KCNC2: variants seen among roughly 807,000 people sequenced by gnomAD.
The protein encoded by KCNC2 is voltage-gated potassium channel KCNC2.
In KCNC2, 21 loss-of-function variants were observed where a neutral mutation model predicts 44.5. The ratio of observed to expected loss-of-function variants is 0.47; its 90% CI spans 0.33 to 0.68. The LOEUF (loss-of-function observed/expected upper bound fraction) is 0.68, where lower values mean the gene tolerates loss of function less well. Among genes scored for constraint, KCNC2 ranks in the 30% least tolerant of loss-of-function variants. The pLI, the probability that KCNC2 is intolerant of heterozygous loss-of-function variation, is 0.01. For missense variants in KCNC2, 589 were observed against 826.2 expected, an observed-to-expected ratio of 0.71 and a Z score of 3.52; for synonymous variants, 391 against 339.1, an observed-to-expected ratio of 1.15 and a Z score of -1.68.
chr12:75,102,225 A>G lies in KCNC2; in HGVS notation c.688-50908T>C, dbSNP rs998400330. On this transcript the variant is annotated intron_variant, in intron 2 of 4. Transcript: ENST00000549446. Reference sequence around the variant, plus strand: ...AGCTTGTTTAAACAGACATATTTCTATGTATGCATAAGAATCAGGAGAGAA... The same window carrying G: ...AGCTTGTTTAAACAGACATATTTCTGTGTATGCATAAGAATCAGGAGAGAA... 2.6e-5 allele frequency among the ~76,000 whole-genome samples: 4 copies of G among 152,212 alleles called. 1 individual carries two copies. Among genetic ancestry groups the G allele is most frequent in the Admixed American group, 1.3e-4 (2 of 15,254 alleles).
intron 2 of KCNC2, among the ~76,000 whole-genome samples, chr12:75,059,589 T>G (rs969003958): frequency 6.6e-6 from 1 of 152,152 alleles, no homozygotes; most frequent in African/African-American, 2.4e-5. Context: ...TATTTTTCAT[T>G]AAAATGTTAG....
chr12:75,140,539 G>A (rs181037588), intron 2 of KCNC2, among the ~76,000 whole-genome samples: 30 of 152,194 alleles, frequency 2.0e-4, no homozygotes, highest in Admixed American at 1.8e-3. Flanking sequence ...GATCTTGTTT[G>A]CTACCATGTA....
At chr12:75,138,180 C>T (rs1487474283) in intron 2 of KCNC2, among the ~76,000 whole-genome samples, 1 of 152,176 alleles carries the variant, frequency 6.6e-6, no homozygotes, top group East Asian at 1.9e-4. Flanking sequence ...CAGCAACTAT[C>T]TGCATTTTTT....
chr12:75,076,543 A>G (rs1038898038), intron 2 of KCNC2, among the ~76,000 whole-genome samples: 3 of 152,160 alleles, frequency 2.0e-5, no homozygotes, highest in African/African-American at 7.2e-5. Context: ...AAGTGCTGGG[A>G]TTACAGGCGT....
At chr12:75,076,004 A>G (rs1397792219) in intron 2 of KCNC2, among the ~76,000 whole-genome samples, 1 of 151,728 alleles carries the variant, frequency 6.6e-6, no homozygotes, top group East Asian at 1.9e-4. Flanking sequence ...AATGTTGTAT[A>G]CATATCTTGG....
intron 2 of KCNC2, among the ~76,000 whole-genome samples, chr12:75,055,515 A>G (rs1486872054): frequency 4.6e-5 from 7 of 152,076 alleles, no homozygotes; most frequent in South Asian, 2.1e-4. Flanking sequence ...GACATTAATT[A>G]AAAATAAAAT....
chr12:75,145,581 C>G (rs1336651966), intron 2 of KCNC2, among the ~76,000 whole-genome samples: 1 of 151,740 alleles, frequency 6.6e-6, no homozygotes, highest in Non-Finnish European at 1.5e-5. Flanking sequence ...TCAACCATTC[C>G]TTGATCATCA....
intron 2 of KCNC2, among the ~76,000 whole-genome samples, chr12:75,161,301 A>G (rs1202376530): frequency 3.3e-5 from 5 of 151,736 alleles, no homozygotes; most frequent in South Asian, 2.1e-4. Context: ...CTAGAAATAC[A>G]CTTTTAAAAT....
At chr12:75,139,501 A>C (rs1889487364) in intron 2 of KCNC2, among the ~76,000 whole-genome samples, 2 of 152,190 alleles carry the variant, frequency 1.3e-5, no homozygotes, top group South Asian at 4.1e-4. Flanking sequence ...TTGAGGATGA[A>C]ATTTTCTTAT....
In KCNC2 at chr12:75,042,878, G is replaced by A; in HGVS notation, c.*227C>T. The A allele has an allele frequency of 7.6e-7, 1 of 1,322,980 alleles. No individual in the cohort carries two copies. Among genetic ancestry groups the A allele is most frequent in the Non-Finnish European group, 9.6e-7 (1 of 1,038,302 alleles). 82.0% of individuals were successfully genotyped at this position (1,322,980 alleles called of 1,614,324 possible). ...CATTTTATTGCAAAAGGATATCAGGGCAATTAATAGGAGGGATCTTAGCAC... is the reference window on the plus strand; with the variant it reads ...CATTTTATTGCAAAAGGATATCAGGACAATTAATAGGAGGGATCTTAGCAC... On this transcript the variant is annotated 3_prime_UTR_variant, in exon 5 of 5. Transcript: ENST00000549446.
chr12:75,208,799 C>A (rs1483593736), intron 1 of KCNC2, among the ~76,000 whole-genome samples: 3 of 152,102 alleles, frequency 2.0e-5, no homozygotes, highest in South Asian at 2.1e-4. Context: ...TTTCCTCATT[C>A]GATTTCCTTT....
chr12:75,207,738 C>G lies in KCNC2; in HGVS notation c.246G>C (p.Ala82=), dbSNP rs760271121. 1.9e-6 allele frequency: 3 copies of G among 1,567,706 alleles called. No individual in the cohort carries two copies. The highest frequency in any genetic ancestry group is 1.2e-5 in the South Asian group (1 of 86,856). The change falls in exon 2 of 5, where the codon GCG becomes GCC. Residue 82 remains alanine, a synonymous_variant. Transcript: ENST00000549446. This position sits in a 1 kb window ranked among gnomAD's most constrained non-coding sequence, Gnocchi z 4.1. ...PGPGGCFEGG[A]GNCSSRGGRA... ...TGCCGCCGCGGGAACTGCAGTTGCC[C>G]GCGCCGCCCTCGAAGCAGCCGCCTG...
intron 2 of KCNC2, among the ~76,000 whole-genome samples, chr12:75,086,673 A>T (rs1369315543): frequency 5.7e-3 from 349 of 61,528 alleles, no homozygotes; most frequent in African/African-American, 0.03. Flanking sequence ...AAAAAAAAAA[A>T]AAAAAAAAAT....
intron 2 of KCNC2, among the ~76,000 whole-genome samples, chr12:75,189,009 T>TGGG (rs1246159672): frequency 2.0e-4 from 31 of 152,304 alleles, no homozygotes; most frequent in Admixed American, 1.6e-3. Context: ...TTGAGAATAG[T>TGGG]TAAGAGTTGA....
intron 2 of KCNC2, among the ~76,000 whole-genome samples, chr12:75,090,258 A>G (rs1042286443): frequency 1.3e-5 from 2 of 151,686 alleles, no homozygotes; most frequent in Non-Finnish European, 3.0e-5. Flanking sequence ...TTACAGATCT[A>G]TTATCTTCTT....
chr12:75,198,227 T>G (rs1030125692), intron 2 of KCNC2, among the ~76,000 whole-genome samples: 3 of 151,932 alleles, frequency 2.0e-5, no homozygotes, highest in Middle Eastern at 3.2e-3. Flanking sequence ...GCCTGGGAAT[T>G]AAGCATAAGC....
At chr12:75,055,268 AATG>A (rs1397944928) in intron 2 of KCNC2, among the ~76,000 whole-genome samples, 1 of 152,166 alleles carries the variant, frequency 6.6e-6, no homozygotes, top group African/African-American at 2.4e-5. Flanking sequence ...TGGGAATTAA[AATG>A]ATATGAATAA....
intron 2 of KCNC2, among the ~76,000 whole-genome samples, chr12:75,128,133 G>A (rs981132305): frequency 3.3e-5 from 5 of 152,060 alleles, no homozygotes; most frequent in Non-Finnish European, 5.9e-5. Flanking sequence ...TCACTCAGAA[G>A]TAGAAATATA....
At chr12:75,120,173 A>G (rs1293346638) in intron 2 of KCNC2, among the ~76,000 whole-genome samples, 2 of 152,244 alleles carry the variant, frequency 1.3e-5, no homozygotes, top group Non-Finnish European at 2.9e-5. Flanking sequence ...GGAATATAGA[A>G]CAACACGTTT....
Sources: gnomAD v4.1 joint callset for allele counts (sites outside exome capture counted in the v4.1 genomes callset) on GRCh38, gnomAD v4.1.1 for gene constraint, Gnocchi (gnomAD v3.1) non-coding constraint, MANE v1.5 for transcripts, NCBI Gene and HGNC (gene_info 2026-07-23, HGNC 2026-07-21) for gene names.